STK3: variants seen among roughly 807,000 people sequenced by gnomAD.
STK3 encodes serine/threonine-protein kinase 3.
In STK3, 41 loss-of-function variants were observed where a neutral mutation model predicts 58.0. The observed-to-expected ratio is 0.71, with a 90% CI of 0.55 to 0.92. The LOEUF is 0.92. Among genes scored for constraint, STK3 ranks in the 40% least tolerant of loss-of-function variants. STK3 has a pLI of 0.00. For missense variants in STK3, 479 were observed against 602.7 expected (o/e 0.79, Z 2.15); for synonymous variants, 170 against 191.0 (o/e 0.89, Z 0.91).
intron 9 of STK3, among the ~76,000 whole-genome samples, chr8:98,527,717 T>C (rs1335210837): frequency 3.9e-5 from 6 of 152,174 alleles, no homozygotes; most frequent in Admixed American, 2.0e-4. Flanking sequence ...ATCAAACTGC[T>C]TCCTCAGTCT....
chr8:98,760,706 C>T (rs758346908), intron 3 of STK3, among the ~76,000 whole-genome samples: 71 of 144,856 alleles, frequency 4.9e-4, no homozygotes, highest in Non-Finnish European at 7.6e-4. Flanking sequence ...ATCTTGTTCT[C>T]GTTTTCTTTT....
chr8:98,405,647 C>T (rs1817986529), intron 3 of STK3, among the ~76,000 whole-genome samples: 1 of 152,090 alleles, frequency 6.6e-6, no homozygotes, highest in Non-Finnish European at 1.5e-5. Flanking sequence ...TGTATTAGTC[C>T]ATTTTCATGC....
At chr8:98,786,091 A>G (rs1273373680) in intron 1 of STK3, among the ~76,000 whole-genome samples, 1 of 152,230 alleles carries the variant, frequency 6.6e-6, no homozygotes, top group Non-Finnish European at 1.5e-5. Flanking sequence ...GATCCAAGAC[A>G]AGATTGAAAA....
chr8:98,748,976 C>T (rs1382069654), intron 4 of STK3, among the ~76,000 whole-genome samples: 1 of 151,644 alleles, frequency 6.6e-6, no homozygotes, highest in African/African-American at 2.4e-5. Flanking sequence ...ATGAAACTCA[C>T]ATTATTAAAC....
intron 10 of STK3, 77 bp downstream of exon 10, chr8:98,526,665 A>G: frequency 7.8e-7 from 1 of 1,280,106 alleles, no homozygotes; most frequent in Non-Finnish European, 1.0e-6. Flanking sequence ...GTTCATATAC[A>G]TATGAACTAT....
rs999541436 is a variant in STK3, at chr8:98,706,757, T to C, written c.517-123A>G. On this transcript the variant is annotated intron_variant, in intron 5 of 10. Transcript: ENST00000419617. ...CACAGATTATATCAGAAATTGACTATTTTGCTAAAATTTCAACTAGTTATG... is the reference window on the plus strand; with the variant it reads ...CACAGATTATATCAGAAATTGACTACTTTGCTAAAATTTCAACTAGTTATG... 5.2e-5 allele frequency: 61 copies of C among 1,176,794 alleles called. No homozygotes were observed. In the East Asian group the frequency reaches 1.6e-3, roughly 30 times the overall value. The allele number at this position is 1,176,794 out of a possible 1,614,324, so 72.9% of individuals were successfully genotyped here. A position where few individuals can be genotyped will look rare whatever the true frequency, so the allele number is the denominator to read the frequency against.
At chr8:98,368,884 G>T (rs1817587387), downstream of STK3, among the ~76,000 whole-genome samples, 1 of 152,124 alleles carries the variant, frequency 6.6e-6, no homozygotes, top group Non-Finnish European at 1.5e-5. Flanking sequence ...GGGGCTGATG[G>T]CCTCAAGGGC....
intron 6 of STK3, among the ~76,000 whole-genome samples, chr8:98,652,222 A>C (rs1482571150): frequency 3.9e-5 from 6 of 152,220 alleles, no homozygotes; most frequent in Admixed American, 6.5e-5. Flanking sequence ...TTTCATATCC[A>C]GCCAAACTAA....
At chr8:98,794,866 G>A (rs1048023754) in intron 1 of STK3, among the ~76,000 whole-genome samples, 46 of 151,452 alleles carry the variant, frequency 3.0e-4, no homozygotes, top group Admixed American at 6.6e-4. Flanking sequence ...TTGGGAGTTC[G>A]AGACCAGCCT....
intron 1 of STK3, among the ~76,000 whole-genome samples, chr8:98,923,850 TGTGTGCGCGC>T (rs1045441627): frequency 1.2e-4 from 15 of 121,648 alleles, no homozygotes; most frequent in African/African-American, 4.0e-4. Flanking sequence ...TGTGTGTGTG[TGTGTGCGCGC>T]GCGCGCGCGC....
At chr8:98,713,831 A>AT (rs1176402403) in intron 4 of STK3, among the ~76,000 whole-genome samples, 2 of 152,054 alleles carry the variant, frequency 1.3e-5, no homozygotes, top group African/African-American at 4.8e-5. Flanking sequence ...CAAAAAAAAA[A>AT]GAGAATTTTA....
chr8:98,694,417 G>A (rs1824678787), intron 6 of STK3, among the ~76,000 whole-genome samples: 2 of 151,902 alleles, frequency 1.3e-5, no homozygotes, highest in Admixed American at 1.3e-4. Context: ...AGTTACATAT[G>A]TATACATGTG....
intron 1 of STK3, among the ~76,000 whole-genome samples, chr8:98,925,884 G>A (rs1192481123): frequency 6.6e-6 from 1 of 152,210 alleles, no homozygotes; most frequent in African/African-American, 2.4e-5. Context: ...GTTTGCCCTA[G>A]TGAGTTGAAT....
At chr8:98,824,411 G>C (rs571300013) in intron 1 of STK3, among the ~76,000 whole-genome samples, 55 of 152,220 alleles carry the variant, frequency 3.6e-4, no homozygotes, top group Middle Eastern at 3.4e-3. Context: ...GTTCAAACTG[G>C]ACTACTGTGT....
At chr8:98,552,484 A>T (rs1811246967) in intron 8 of STK3, among the ~76,000 whole-genome samples, 1 of 151,954 alleles carries the variant, frequency 6.6e-6, no homozygotes, top group Non-Finnish European at 1.5e-5. Context: ...AACCAAGCTG[A>T]CCTCCTTTGC....
chr8:98,485,964 G>A (rs1251237869), intron 10 of STK3, among the ~76,000 whole-genome samples: 1 of 152,184 alleles, frequency 6.6e-6, no homozygotes, highest in Non-Finnish European at 1.5e-5. Flanking sequence ...CCATGACAAA[G>A]CTCCAAAGAA....
chr8:98,914,309 T>C (rs1450647136), intron 1 of STK3, among the ~76,000 whole-genome samples: 1 of 151,790 alleles, frequency 6.6e-6, no homozygotes. Context: ...GAGGCTAAGG[T>C]GGGAGGATCG....
At chr8:98,694,651 T>A (rs1824710970) in intron 6 of STK3, among the ~76,000 whole-genome samples, 1 of 152,234 alleles carries the variant, frequency 6.6e-6, no homozygotes, top group African/African-American at 2.4e-5. Context: ...ATTTCCAACT[T>A]CATCCATGTC....
intron 3 of STK3, among the ~76,000 whole-genome samples, chr8:98,402,508 T>C (rs547164216): frequency 6.6e-6 from 1 of 152,310 alleles, no homozygotes; most frequent in East Asian, 1.9e-4. Flanking sequence ...GGGAGGGTTC[T>C]GTGTCCCCAG....
Sources: gnomAD v4.1 joint callset for allele counts (sites outside exome capture counted in the v4.1 genomes callset) on GRCh38, gnomAD v4.1.1 for gene constraint, MANE v1.5 for transcripts, NCBI Gene and HGNC (gene_info 2026-07-23, HGNC 2026-07-21) for gene names.